The following ESRRB variants were observed in gnomAD, a reference collection of about 807,000 sequenced individuals.
ESRRB encodes estrogen related receptor beta.
A neutral mutation model predicts 46.0 loss-of-function variants in ESRRB; 16 were observed. That is an observed-to-expected ratio of 0.35 (90% CI 0.24 to 0.53). The LOEUF (loss-of-function observed/expected upper bound fraction) is 0.53, where lower values mean the gene tolerates loss of function less well. Ranked by LOEUF, ESRRB falls within the 20% of genes least tolerant of loss-of-function variation. The probability of loss-of-function intolerance (pLI) is 0.93; values close to 1 mark genes in which losing one functional copy is unlikely to be tolerated. For missense variants in ESRRB, 488 were observed against 607.4 expected (o/e 0.80, Z 2.07); for synonymous variants, 246 against 259.6 (o/e 0.95, Z 0.50).
intron 1 of ESRRB, among the ~76,000 whole-genome samples, chr14:76,397,218 C>T (rs1885726117): frequency 6.6e-6 from 1 of 152,226 alleles, no homozygotes; most frequent in Admixed American, 6.5e-5. Flanking sequence ...GATAGACTTG[C>T]ACCTCCAGAG....
At chr14:76,346,056 C>T (rs1209020731) in intron 1 of ESRRB, among the ~76,000 whole-genome samples, 2 of 151,986 alleles carry the variant, frequency 1.3e-5, no homozygotes, top group African/African-American at 2.4e-5. Context: ...TTGCCGGAAA[C>T]GCTTGGTGTT....
intron 1 of ESRRB, among the ~76,000 whole-genome samples, chr14:76,363,778 GC>G (rs1263183168): frequency 6.6e-5 from 10 of 152,132 alleles, no homozygotes; most frequent in Admixed American, 5.9e-4. Flanking sequence ...ACTCACAAAC[GC>G]CCTTTCTTTA....
rs192256281 is a variant in ESRRB at position 76,332,555 on chromosome 14, A to T, written c.2+21639A>T. 1.7e-3 allele frequency among the ~76,000 whole-genome samples: 47 copies of T among 27,250 alleles called. 1 individual carries two copies. Among genetic ancestry groups the T allele is most frequent in the African/African-American group, 2.7e-3 (24 of 8,920 alleles). The allele number at this position is 27,250 out of a possible 152,430, so 17.9% of individuals were successfully genotyped here. Reference sequence around the variant, plus strand: ...ATACAATATAATATATATTTATATAATATATATTTATATATTTATATATTA... The same window carrying T: ...ATACAATATAATATATATTTATATATTATATATTTATATATTTATATATTA... On this transcript the variant is annotated intron_variant, in intron 1 of 6. Coordinates refer to the ESRRB transcript ENST00000512784.
At chr14:76,440,227 G>T (rs952600083) in intron 2 of ESRRB, among the ~76,000 whole-genome samples, 2 of 152,132 alleles carry the variant, frequency 1.3e-5, no homozygotes, top group Non-Finnish European at 1.5e-5. Context: ...CAGCACTTTG[G>T]GAGGCCAAGG....
intron 2 of ESRRB, among the ~76,000 whole-genome samples, chr14:76,456,501 G>C (rs1888621549): frequency 6.6e-6 from 1 of 152,206 alleles, no homozygotes; most frequent in African/African-American, 2.4e-5. Context: ...TGTTGCAGAA[G>C]GGAGGGAGGG....
chr14:76,411,449 C>CA (rs34548322), intron 1 of ESRRB, among the ~76,000 whole-genome samples: 17,785 of 148,308 alleles, frequency 0.12, 1,109 homozygotes, highest in South Asian at 0.14. Context: ...CTCCATCTTC[C>CA]AAAAAAAAAA....
intron 1 of ESRRB, among the ~76,000 whole-genome samples, chr14:76,349,947 G>A (rs895524703): frequency 1.3e-4 from 20 of 152,182 alleles, no homozygotes; most frequent in African/African-American, 4.8e-4. Flanking sequence ...CTTACATTCA[G>A]TAAGATTCAT....
intron 1 of ESRRB, among the ~76,000 whole-genome samples, chr14:76,336,402 T>C (rs948879071): frequency 1.3e-5 from 2 of 152,212 alleles, no homozygotes; most frequent in Non-Finnish European, 2.9e-5. Context: ...TGGTTTTACA[T>C]GGTTTAATAG....
chr14:76,451,630 T>C (rs1888383336), intron 2 of ESRRB, among the ~76,000 whole-genome samples: 1 of 151,984 alleles, frequency 6.6e-6, no homozygotes, highest in African/African-American at 2.4e-5. Flanking sequence ...ATTTTTATTT[T>C]ATTTATTTAT....
intron 1 of ESRRB, among the ~76,000 whole-genome samples, chr14:76,400,375 C>A (rs6574292): frequency 0.39 from 59,832 of 152,020 alleles, 12,028 homozygotes; most frequent in Middle Eastern, 0.48. Flanking sequence ...GATGGACTTC[C>A]ATCTGAAGAC....
At chr14:76,417,818 G>T in intron 1 of ESRRB, among the ~76,000 whole-genome samples, 1 of 152,258 alleles carries the variant, frequency 6.6e-6, no homozygotes, top group Middle Eastern at 3.4e-3. Context: ...CATCACACAG[G>T]TAGTCCCTGG....
At chr14:76,336,886 A>T (rs999385406) in intron 1 of ESRRB, among the ~76,000 whole-genome samples, 2 of 152,158 alleles carry the variant, frequency 1.3e-5, no homozygotes, top group African/African-American at 4.8e-5. Flanking sequence ...AATAGCCAAG[A>T]TCGTGAACAC....
chr14:76,499,860 C>T lies in ESRRB; in HGVS notation c.*1402C>T. Reference sequence around the variant, plus strand: ...AGCCCTGAACACCCATTTGTGCTCACAGGTTGGCCAAGAGCAGCTTAGAGG... The same window carrying T: ...AGCCCTGAACACCCATTTGTGCTCATAGGTTGGCCAAGAGCAGCTTAGAGG... On this transcript the variant is annotated 3_prime_UTR_variant, in exon 7 of 7. Transcript: ENST00000644823. 1 of 1,613,898 alleles carries T rather than the reference C, an allele frequency of 6.2e-7. No individual in the cohort carries two copies. Among genetic ancestry groups the T allele is most frequent in the Non-Finnish European group, 8.5e-7 (1 of 1,179,748 alleles).
At chr14:76,399,954 G>T (rs1885867933) in intron 1 of ESRRB, among the ~76,000 whole-genome samples, 1 of 152,184 alleles carries the variant, frequency 6.6e-6, no homozygotes, top group Admixed American at 6.5e-5. Context: ...CTCAGGTCAG[G>T]CTCAGTCCCT....
rs370193367 is a variant in ESRRB, at chr14:76,498,269, C to T, written c.1176C>T (p.His392=). Residue 392 remains histidine (H), a synonymous_variant, in exon 7 of 7, where the codon CAC becomes CAT. Coordinates refer to ENST00000644823, the MANE Select transcript of ESRRB (RefSeq NM_001379180.1). The part of the protein sequence containing the change: ...EAVQKLQDLL[H]EALQDYELSQ... ...TCCAGAAGCTGCAGGACCTGCTGCA[C>T]GAGGCACTGCAGGACTACGAGCTGA... 5.9e-5 allele frequency: 96 copies of T among 1,613,622 alleles called. No individual in the cohort carries two copies. The highest frequency in any genetic ancestry group is 4.8e-4 in the African/African-American group (36 of 74,924).
intron 1 of ESRRB, among the ~76,000 whole-genome samples, chr14:76,351,467 TCTC>T (rs1220120792): frequency 6.6e-6 from 1 of 152,312 alleles, no homozygotes. Context: ...CCCCATGTCT[TCTC>T]CTCTTCTTAT....
intron 1 of ESRRB, among the ~76,000 whole-genome samples, chr14:76,420,158 G>T (rs1288160875): frequency 1.3e-5 from 2 of 152,166 alleles, no homozygotes; most frequent in Non-Finnish European, 2.9e-5. Context: ...ATGAGCAAAA[G>T]GCTCATGACT....
At chr14:76,399,070 T>G (rs1885822982) in intron 1 of ESRRB, among the ~76,000 whole-genome samples, 1 of 152,106 alleles carries the variant, frequency 6.6e-6, no homozygotes, top group Admixed American at 6.5e-5. Flanking sequence ...TTACCACCTG[T>G]CCCCTGGCTG....
intron 1 of ESRRB, among the ~76,000 whole-genome samples, chr14:76,364,495 C>T (rs1220794058): frequency 6.6e-6 from 1 of 152,090 alleles, no homozygotes; most frequent in Non-Finnish European, 1.5e-5. Context: ...TCAAGACCAG[C>T]TTGGCCAACA....
Sources: allele counts gnomAD v4.1 joint callset (sites outside exome capture counted in the v4.1 genomes callset), GRCh38; gene constraint gnomAD v4.1.1; transcripts MANE v1.5; gene names NCBI Gene and HGNC (gene_info 2026-07-23, HGNC 2026-07-21).